The following MAPKAP1 variants were observed in gnomAD, a reference collection of about 807,000 sequenced individuals.
MAPKAP1 encodes target of rapamycin complex 2 subunit MAPKAP1.
Under a neutral mutation model 65.7 loss-of-function variants are expected in MAPKAP1, and 20 were observed. That is an observed-to-expected ratio of 0.30 (90% CI 0.21 to 0.44). The LOEUF is 0.44. MAPKAP1 is among the 20% of genes least tolerant of loss of function. The pLI is 1.00. For synonymous variants in MAPKAP1, 222 were observed against 244.3 expected (o/e 0.91, Z 0.85); for missense variants, 423 against 648.0 (o/e 0.65, Z 3.77).
At chr9:125,577,098 C>A (rs1337832354) in intron 5 of MAPKAP1, among the ~76,000 whole-genome samples, 6 of 151,648 alleles carry the variant, frequency 4.0e-5, no homozygotes, top group East Asian at 1.9e-4. Flanking sequence ...GGCCGCCATC[C>A]CATCTAGGAA....
At chr9:125,645,066 C>T (rs1319593250) in intron 4 of MAPKAP1, among the ~76,000 whole-genome samples, 2 of 152,006 alleles carry the variant, frequency 1.3e-5, no homozygotes, top group African/African-American at 4.8e-5. Context: ...CATTCTGGGT[C>T]CTTTGTGTCT....
intron 3 of MAPKAP1, among the ~76,000 whole-genome samples, chr9:125,658,127 TGTGACAG>T (rs769971330): frequency 0.022 from 3,282 of 152,258 alleles, 46 homozygotes; most frequent in South Asian, 0.04. Flanking sequence ...CGGCAAGCTA[TGTGACAG>T]TAGACACTTC....
At chr9:125,692,738 G>A (rs1835207145) in intron 1 of MAPKAP1, among the ~76,000 whole-genome samples, 1 of 152,240 alleles carries the variant, frequency 6.6e-6, no homozygotes, top group African/African-American at 2.4e-5. Context: ...TCTAATTCAG[G>A]TGATTCCAAA....
chr9:125,632,189 T>C (rs1833303103), intron 4 of MAPKAP1, among the ~76,000 whole-genome samples: 2 of 144,948 alleles, frequency 1.4e-5, no homozygotes, highest in South Asian at 2.2e-4. Flanking sequence ...GCCACTGCAC[T>C]CCAGCCTGGG....
chr9:125,473,836 C>A (rs993281002), intron 9 of MAPKAP1, among the ~76,000 whole-genome samples: 2 of 152,160 alleles, frequency 1.3e-5, no homozygotes, highest in African/African-American at 4.8e-5. Flanking sequence ...AATCTGGAGT[C>A]AGAAAGTCCT....
At chr9:125,705,533 C>T (rs1280244997) in intron 1 of MAPKAP1, among the ~76,000 whole-genome samples, 1 of 152,156 alleles carries the variant, frequency 6.6e-6, no homozygotes, top group Non-Finnish European at 1.5e-5. Flanking sequence ...TTTCCCTTAT[C>T]TCTCTTTCAC....
Position 125,451,955 on chromosome 9 carries a change from G to A in MAPKAP1, c.1346-7357C>T, listed in dbSNP as rs1852971025. 2.6e-5 allele frequency among the ~76,000 whole-genome samples: 4 copies of A among 151,928 alleles called. 1 individual carries two copies. The South Asian group carries it at 8.3e-4, about 32-fold the overall frequency. On this transcript the variant is annotated intron_variant, in intron 10 of 11. Transcript: ENST00000265960. ...CTCCAGAGTAGCTGGGATTACAGGC[G>A]CCTGCCACCACGCCAGGCTAATTTT...
intron 4 of MAPKAP1, among the ~76,000 whole-genome samples, chr9:125,630,827 T>C (rs2131683979): frequency 1.3e-5 from 2 of 152,286 alleles, no homozygotes; most frequent in Middle Eastern, 6.8e-3. Flanking sequence ...ACTCTATTAG[T>C]TCCAGAGACA....
chr9:125,657,691 A>G lies in MAPKAP1; in HGVS notation c.458T>C (p.Leu153Pro). 1.2e-6 allele frequency: 2 copies of G among 1,613,246 alleles called. No homozygotes were observed. Among genetic ancestry groups the G allele is most frequent in the Non-Finnish European group, 1.7e-6 (2 of 1,179,670 alleles). ...SVRLEQCPLQ[L>P]NNPFNEYSKF... ...GGAATACTCGTTAAAAGGGTTATTC[A>G]GCTGCAGAGGGCACTGTTCTAGGCG... The change falls in exon 4 of 12, where the codon CTG (leucine) becomes CCG (proline). Residue 153 changes from leucine to proline, a missense_variant. Physicochemically the swap from Leu to Pro is moderately conservative, Grantham distance 98. Transcript: ENST00000265960.
In MAPKAP1 at chr9:125,438,810, A is replaced by C. The variant is rs979631007; in HGVS notation, c.*77T>G. 2 of 1,587,344 alleles carry C rather than the reference A, an allele frequency of 1.3e-6. No individual in the cohort carries two copies. Among genetic ancestry groups the C allele is most frequent in the African/African-American group, 2.7e-5 (2 of 74,306 alleles). Reference sequence around the variant, plus strand: ...GGCCTCCCCCCGAGGACTTCAGGACACCGGGTGGACTCTAGGGCACTTGGC... The same window carrying C: ...GGCCTCCCCCCGAGGACTTCAGGACCCCGGGTGGACTCTAGGGCACTTGGC... On this transcript the variant is annotated 3_prime_UTR_variant, in exon 12 of 12. Transcript: ENST00000265960.
At chr9:125,456,989 A>AG (rs1853188169) in intron 10 of MAPKAP1, among the ~76,000 whole-genome samples, 1 of 133,328 alleles carries the variant, frequency 7.5e-6, no homozygotes, top group Admixed American at 7.7e-5. Flanking sequence ...CCATTTAGTG[A>AG]ATTTTTTTTT....
intron 4 of MAPKAP1, among the ~76,000 whole-genome samples, chr9:125,603,074 CTTTCTTTT>C (rs1447699606): frequency 6.7e-6 from 1 of 149,932 alleles, no homozygotes; most frequent in African/African-American, 2.5e-5. Context: ...TTCTTTCTTT[CTTTCTTTT>C]TTTTTTATAG....
intron 4 of MAPKAP1, among the ~76,000 whole-genome samples, chr9:125,617,333 T>C (rs973438173): frequency 4.6e-5 from 7 of 152,166 alleles, no homozygotes; most frequent in African/African-American, 1.7e-4. Context: ...TGGTGGCAAG[T>C]GCCTAGCGTC....
At chr9:125,518,583 C>A (rs926589334) in intron 7 of MAPKAP1, among the ~76,000 whole-genome samples, 1 of 152,068 alleles carries the variant, frequency 6.6e-6, no homozygotes, top group African/African-American at 2.4e-5. Context: ...GGCAGGAGGA[C>A]TGCTTAAACC....
rs193197795 is a variant in MAPKAP1, at chr9:125,705,004, C to T, written c.-70+1967G>A. ...GGGACCAGGAATTGAATCCAGAGTCCATGCCTATTTTCTATAGACTGTCTT... is the reference window on the plus strand; with the variant it reads ...GGGACCAGGAATTGAATCCAGAGTCTATGCCTATTTTCTATAGACTGTCTT... On this transcript the variant is annotated intron_variant, in intron 1 of 11. Coordinates refer to ENST00000265960, the MANE Select transcript of MAPKAP1 (RefSeq NM_001006617.3). 1.7e-3 allele frequency among the ~76,000 whole-genome samples: 259 copies of T among 152,266 alleles called. 1 individual carries two copies. The highest frequency in any genetic ancestry group is 6.1e-3 in the African/African-American group (252 of 41,542).
In MAPKAP1 at chr9:125,682,483, C is replaced by T. The variant is rs553082579; in HGVS notation, c.-69-9840G>A. ...TGTGCTAGCAATAGCTGTGAAACTT[C>T]AAACAACCTAACCACCCACCACCCC... On this transcript the variant is annotated intron_variant, in intron 1 of 11. Transcript: ENST00000265960. 2.0e-5 allele frequency among the ~76,000 whole-genome samples: 3 copies of T among 152,308 alleles called. No individual in the cohort carries two copies. In the South Asian group the frequency reaches 6.2e-4, roughly 32 times the overall value.
intron 4 of MAPKAP1, among the ~76,000 whole-genome samples, chr9:125,629,843 G>A (rs749572094): frequency 3.3e-5 from 5 of 152,174 alleles, no homozygotes; most frequent in East Asian, 1.9e-4. Context: ...TATACTAGTC[G>A]AAGCAGACAA....
chr9:125,586,158 C>A (rs1831778064), intron 4 of MAPKAP1, among the ~76,000 whole-genome samples: 1 of 152,164 alleles, frequency 6.6e-6, no homozygotes, highest in Non-Finnish European at 1.5e-5. Context: ...TTTAGGCCCG[C>A]AGCACTGAAA....
chr9:125,618,001 T>C (rs987310743), intron 4 of MAPKAP1, among the ~76,000 whole-genome samples: 12 of 152,168 alleles, frequency 7.9e-5, no homozygotes, highest in African/African-American at 2.7e-4. Context: ...TATTTACAAA[T>C]GAACCCATTT....
Sources: allele counts gnomAD v4.1 joint callset (sites outside exome capture counted in the v4.1 genomes callset), GRCh38; gene constraint gnomAD v4.1.1; transcripts MANE v1.5; gene names NCBI Gene and HGNC (gene_info 2026-07-23, HGNC 2026-07-21).